MYO18B: variants seen among roughly 807,000 people sequenced by gnomAD.
MYO18B encodes unconventional myosin-XVIIIb.
MYO18B carries 204 observed loss-of-function variants against 273.0 expected under a neutral mutation model. The observed-to-expected ratio is 0.75, with a 90% confidence interval of 0.67 to 0.84. MYO18B has a LOEUF of 0.84. MYO18B is among the 40% of genes least tolerant of loss of function. The pLI, the probability that MYO18B is intolerant of heterozygous loss-of-function variation, is 0.00. For synonymous variants in MYO18B, 1,330 were observed against 1,305.7 expected, an observed-to-expected ratio of 1.02 and a Z score of -0.40; for missense variants, 3,212 against 3,287.6, an observed-to-expected ratio of 0.98 and a Z score of 0.56.
chr22:26,010,175 T>A (rs1486308274), intron 42 of MYO18B, among the ~76,000 whole-genome samples: 1 of 152,140 alleles, frequency 6.6e-6, no homozygotes, highest in Admixed American at 6.5e-5. Context: ...TTTCTGCTTC[T>A]CTCCATCCCC....
In MYO18B at chr22:25,868,306, A is replaced by T. The variant is rs776173272; in HGVS notation, c.3886-14A>T. 13 of 1,592,574 alleles carry T rather than the reference A, an allele frequency of 8.2e-6. No homozygotes were observed. The South Asian group carries it at 1.3e-4, about 15-fold the overall frequency. ...CTTCTATGCTGTCTAACTTCTCTCTAATTTTTTCCCCAGGCCGTGGAGGAG... is the reference window on the plus strand; with the variant it reads ...CTTCTATGCTGTCTAACTTCTCTCTTATTTTTTCCCCAGGCCGTGGAGGAG... On this transcript the variant is annotated splice_polypyrimidine_tract_variant and intron_variant, in intron 21 of 43. Transcript: ENST00000335473.
intron 15 of MYO18B, among the ~76,000 whole-genome samples, chr22:25,829,763 G>A (rs1252715861): frequency 3.3e-5 from 5 of 151,964 alleles, no homozygotes; most frequent in Admixed American, 1.3e-4. Flanking sequence ...GCTTGAACCC[G>A]GGAGGTGGAG....
Position 26,022,337 on chromosome 22 carries a change from G to C in MYO18B, c.6471-4108G>C, listed in dbSNP as rs966382813. Among the ~76,000 whole-genome samples, 159 of 151,742 alleles carry C rather than the reference G, an allele frequency of 1.0e-3. 1 individual carries two copies. Among genetic ancestry groups the C allele is most frequent in the African/African-American group, 3.4e-3 (142 of 41,332 alleles). The stretch of plus-strand genomic sequence containing the variant: ...AGACAGGATGTGTTTGAAGTGTCCA[G>C]TGCTGGGACAGGAATGGGGATGATC... On this transcript the variant is annotated intron_variant, in intron 42 of 43. Transcript: ENST00000335473.
chr22:25,791,486 A>G (rs2087659626), intron 11 of MYO18B, among the ~76,000 whole-genome samples: 1 of 152,252 alleles, frequency 6.6e-6, no homozygotes, highest in African/African-American at 2.4e-5. Flanking sequence ...GCTGCCTGCC[A>G]CATTGCAGCT....
At chr22:25,788,649 T>G (rs143228315) in intron 11 of MYO18B, among the ~76,000 whole-genome samples, 121 of 152,340 alleles carry the variant, frequency 7.9e-4, no homozygotes, top group African/African-American at 2.7e-3. Flanking sequence ...TTTGACTGGA[T>G]GGCTTGCATT....
At position 25,992,441 on chromosome 22, in the gene MYO18B, G is replaced by A. The variant is rs762351541; in HGVS notation, c.6235G>A (p.Asp2079Asn). Reference protein sequence around the residue: ...DLETSIRRIADLQAALEEVAS... With the variant: ...DLETSIRRIANLQAALEEVAS... ...GGAGACATCCATTCGGCGGATTGCC[G>A]ACCTGCAGGCTGCCTTGGAAGAAGT... is the stretch of plus-strand genomic sequence containing the variant. The change falls in exon 40 of 44, where the codon GAC becomes AAC. Residue 2079 changes from aspartate (D) to asparagine (N), a missense_variant. By Grantham distance (23) the Asp-to-Asn change is conservative (BLOSUM62 1). Transcript: ENST00000335473. The A allele has an allele frequency of 6.2e-6, 10 of 1,613,886 alleles. No homozygotes were observed. The highest frequency in any genetic ancestry group is 2.2e-5 in the East Asian group (1 of 44,882).
intron 42 of MYO18B, among the ~76,000 whole-genome samples, chr22:26,026,089 G>A (rs962577442): frequency 3.9e-5 from 6 of 152,272 alleles, no homozygotes; most frequent in East Asian, 1.9e-4. Context: ...GTCCCCTTCC[G>A]GTCTTGAAGA....
chr22:25,890,660 T>C, intron 25 of MYO18B, 96 bp from the exon 26 acceptor site: 5 of 1,504,924 alleles, frequency 3.3e-6, no homozygotes, highest in East Asian at 2.4e-5. Flanking sequence ...TTTCCCATGA[T>C]AGTGATTTGT....
chr22:25,843,374 T>G (rs1032033176), intron 17 of MYO18B, among the ~76,000 whole-genome samples: 1 of 152,218 alleles, frequency 6.6e-6, no homozygotes, highest in Non-Finnish European at 1.5e-5. Context: ...ATATGATGCT[T>G]CTTTTAAAAT....
chr22:26,003,553 C>T (rs548449019), intron 41 of MYO18B, among the ~76,000 whole-genome samples: 8 of 152,328 alleles, frequency 5.3e-5, no homozygotes, highest in African/African-American at 1.7e-4. Context: ...CAATGGCTCC[C>T]TATTGCCCCA....
chr22:25,959,313 C>G (rs2092891584), intron 39 of MYO18B: 1 of 150,088 alleles, frequency 6.7e-6, no homozygotes, highest in South Asian at 2.1e-4. Context: ...GTCTTAGTCA[C>G]CCAGGCTGGA....
chr22:25,860,053 A>T (rs1214208194), intron 21 of MYO18B, among the ~76,000 whole-genome samples: 3 of 152,162 alleles, frequency 2.0e-5, no homozygotes, highest in Non-Finnish European at 4.4e-5. Flanking sequence ...CTGCATATGG[A>T]TATTCAATTG....
At chr22:25,798,538 T>C (rs1226299777) in intron 12 of MYO18B, among the ~76,000 whole-genome samples, 1 of 152,088 alleles carries the variant, frequency 6.6e-6, no homozygotes, top group African/African-American at 2.4e-5. Context: ...GTCTCTGCAG[T>C]AAAGGTGCTG....
intron 22 of MYO18B, among the ~76,000 whole-genome samples, chr22:25,870,200 A>G (rs2091008504): frequency 6.6e-6 from 1 of 152,214 alleles, no homozygotes; most frequent in African/African-American, 2.4e-5. Flanking sequence ...ATGAATGGAA[A>G]TGCAGTCACG....
intron 39 of MYO18B, among the ~76,000 whole-genome samples, chr22:25,971,671 C>T (rs1274288389): frequency 2.6e-5 from 4 of 152,162 alleles, no homozygotes; most frequent in South Asian, 4.1e-4. Flanking sequence ...CAGACTATTT[C>T]GTTTCCATCA....
At chr22:25,999,780 C>T (rs1376384574) in intron 40 of MYO18B, among the ~76,000 whole-genome samples, 4 of 151,878 alleles carry the variant, frequency 2.6e-5, no homozygotes, top group South Asian at 2.1e-4. Flanking sequence ...CTCAGCCTCC[C>T]GAGTAGCTGG....
intron 36 of MYO18B, among the ~76,000 whole-genome samples, chr22:25,948,433 TCCTTCCTTCCTTCCTTCCTTCCTTCC>T (rs1312362994): frequency 1.5e-5 from 2 of 136,722 alleles, no homozygotes; most frequent in African/African-American, 6.0e-5. Flanking sequence ...CTTCCTTCCT[TCCTTCCTTCCTTCCTTCCTTCCTTCC>T]TTCTTTCTTT....
intron 34 of MYO18B, among the ~76,000 whole-genome samples, chr22:25,930,419 G>A (rs938731468): frequency 1.3e-5 from 2 of 151,314 alleles, no homozygotes; most frequent in African/African-American, 2.4e-5. Flanking sequence ...GAAGGAATCC[G>A]ACTCAGGTAC....
intron 12 of MYO18B, among the ~76,000 whole-genome samples, chr22:25,808,381 A>G (rs2088581079): frequency 6.6e-6 from 1 of 152,080 alleles, no homozygotes; most frequent in East Asian, 1.9e-4. Context: ...AGGAGTCACC[A>G]TTTTTGTGGT....
Sources: gnomAD v4.1 joint callset for allele counts (sites outside exome capture counted in the v4.1 genomes callset) on GRCh38, gnomAD v4.1.1 for gene constraint, MANE v1.5 for transcripts, NCBI Gene and HGNC (gene_info 2026-07-23, HGNC 2026-07-21) for gene names.